GLG1: variants seen among roughly 807,000 people sequenced by gnomAD.
GLG1 encodes the protein golgi glycoprotein 1.
In GLG1, 38 loss-of-function variants were observed where a neutral mutation model predicts 160.5. That is an observed-to-expected ratio of 0.24 (90% confidence interval 0.18 to 0.31). GLG1 has a LOEUF of 0.31. Ranked by LOEUF, GLG1 falls within the 10% of genes least tolerant of loss-of-function variation. The probability of loss-of-function intolerance (pLI) is 1.00; values close to 1 mark genes in which losing one functional copy is unlikely to be tolerated. For missense variants in GLG1, 1,373 were observed against 1,505.2 expected, an observed-to-expected ratio of 0.91 and a Z score of 1.45; for synonymous variants, 644 against 543.4, an observed-to-expected ratio of 1.19 and a Z score of -2.57.
chr16:74,477,497 G>C lies in GLG1; in HGVS notation c.1864C>G (p.Leu622Val). 1 of 1,612,966 alleles carries C rather than the reference G, an allele frequency of 6.2e-7. No individual in the cohort carries two copies. The highest frequency in any genetic ancestry group is 8.5e-7 in the Non-Finnish European group (1 of 1,178,946). Reference protein sequence around the residue: ...RECRAEVQRILHQRAMDVKLD... With the variant: ...RECRAEVQRIVHQRAMDVKLD... ...TTGACATCCATGGCACGCTGGTGTAGGATCCTTTGGACTTCAGCTCGGCAC... is the reference window on the plus strand; with the variant it reads ...TTGACATCCATGGCACGCTGGTGTACGATCCTTTGGACTTCAGCTCGGCAC... The change falls in exon 12 of 26, where the codon CTA becomes GTA. Residue 622 changes from leucine to valine, a missense_variant. By Grantham distance (32) the Leu-to-Val change is conservative. Around this residue, in one of 4 missense-constraint regions of GLG1, gnomAD observed 386 missense variants for 388.5 expected, o/e 0.99. Transcript: ENST00000422840.
Position 74,459,601 on chromosome 16 carries a change from T to G in GLG1, c.3144+81A>C, listed in dbSNP as rs560147198. ...GAGATTTTTGGTTTTATTACCAAGGTAGGCAGACTACAGCATTAAAAGGAA... is the reference window on the plus strand; with the variant it reads ...GAGATTTTTGGTTTTATTACCAAGGGAGGCAGACTACAGCATTAAAAGGAA... On this transcript the variant is annotated intron_variant, in intron 23 of 25. Transcript: ENST00000422840. 2.7e-3 allele frequency: 1,962 copies of G among 736,674 alleles called. 32 individuals are homozygous for G. Among genetic ancestry groups the G allele is most frequent in the South Asian group, 0.02 (1,225 of 59,838 alleles). 45.6% of individuals were successfully genotyped at this position (736,674 alleles called of 1,614,324 possible). A position where few individuals can be genotyped will look rare whatever the true frequency, so the allele number is the denominator to read the frequency against.
intron 1 of GLG1, among the ~76,000 whole-genome samples, chr16:74,542,750 GAA>G (rs2017922985): frequency 4.8e-5 from 1 of 20,948 alleles, no homozygotes. Flanking sequence ...AGGAAGGAAG[GAA>G]GGAAGGAAGG....
At chr16:74,530,444 T>C (rs2017497869) in intron 2 of GLG1, among the ~76,000 whole-genome samples, 2 of 152,196 alleles carry the variant, frequency 1.3e-5, no homozygotes, top group Admixed American at 1.3e-4. Context: ...TTGCAGTTAC[T>C]CAACTTTGCC....
At chr16:74,587,155 G>A (rs1958073111) in intron 1 of GLG1, among the ~76,000 whole-genome samples, 2 of 152,226 alleles carry the variant, frequency 1.3e-5, no homozygotes, top group South Asian at 4.1e-4. Context: ...CACAATATAT[G>A]ACGTAACCTT....
At chr16:74,561,220 C>T (rs950784144) in intron 1 of GLG1, among the ~76,000 whole-genome samples, 2 of 152,204 alleles carry the variant, frequency 1.3e-5, no homozygotes, top group African/African-American at 2.4e-5. Flanking sequence ...AGGCTGAGGT[C>T]CCTGCCCCCA....
At chr16:74,578,291 T>G (rs1012692986) in intron 1 of GLG1, among the ~76,000 whole-genome samples, 2 of 152,212 alleles carry the variant, frequency 1.3e-5, no homozygotes, top group Non-Finnish European at 2.9e-5. Flanking sequence ...AGCCAACTAA[T>G]GCCATCTCCT....
At chr16:74,529,798 G>C (rs2017467454) in intron 2 of GLG1, among the ~76,000 whole-genome samples, 1 of 140,540 alleles carries the variant, frequency 7.1e-6, no homozygotes, top group South Asian at 2.3e-4. Flanking sequence ...CTATTCCTTG[G>C]CTCTTTGAGA....
At chr16:74,485,695 G>A in intron 9 of GLG1, 101 bp downstream of exon 9, 2 of 1,068,114 alleles carry the variant, frequency 1.9e-6, no homozygotes, top group Non-Finnish European at 2.7e-6. Context: ...CAAAATTTCA[G>A]TTAAGATGTC....
In GLG1 at chr16:74,463,415, T is replaced by C. The variant is rs2014878768; in HGVS notation, c.2732A>G (p.Glu911Gly). ...LQCLKQNKNS[E>G]LMDPKCKQMI... ...CTGTTTGCATTTGGGATCCATCAAT[T>C]CACTGTTTTTATTTTGCTTCAAGCA... Residue 911 changes from glutamate (E) to glycine (G), a missense_variant, in exon 20 of 26, where the codon GAA becomes GGA. Transcript: ENST00000422840. 1 of 1,613,708 alleles carries C rather than the reference T, an allele frequency of 6.2e-7. No individual in the cohort carries two copies.
intron 1 of GLG1, among the ~76,000 whole-genome samples, chr16:74,568,786 A>G (rs1432505716): frequency 6.6e-6 from 1 of 152,264 alleles, no homozygotes; most frequent in East Asian, 1.9e-4. Flanking sequence ...CATGCAAAGT[A>G]ACAGAAAAGC....
intron 1 of GLG1, among the ~76,000 whole-genome samples, chr16:74,565,369 A>C (rs1199847242): frequency 2.6e-5 from 4 of 152,180 alleles, no homozygotes; most frequent in Non-Finnish European, 5.9e-5. Flanking sequence ...AGGTTGACCA[A>C]AGAGGGGAAT....
chr16:74,475,717 CTTACTAT>C (rs1013926020), intron 12 of GLG1, among the ~76,000 whole-genome samples: 1 of 152,158 alleles, frequency 6.6e-6, no homozygotes, highest in African/African-American at 2.4e-5. Flanking sequence ...TCAAGTTTAA[CTTACTAT>C]TCTGCAAGAA....
At chr16:74,496,748 A>ACACACC in intron 4 of GLG1, 104 bp from the exon 5 acceptor site, 1 of 740,836 alleles carries the variant, frequency 1.3e-6, no homozygotes, top group Non-Finnish European at 2.4e-6. Context: ...ACACACACAC[A>ACACACC]AAGTAATAAA....
At chr16:74,456,831 G>A in intron 24 of GLG1, 76 bp from the exon 25 acceptor site, 1 of 894,834 alleles carries the variant, frequency 1.1e-6, no homozygotes, top group Non-Finnish European at 1.9e-6. Flanking sequence ...ATGAGGAAGA[G>A]GGTGCACAAC....
intron 6 of GLG1, 56 bp from the exon 7 acceptor site, chr16:74,493,196 C>T (rs1353450021): frequency 5.0e-6 from 6 of 1,198,670 alleles, no homozygotes; most frequent in South Asian, 1.4e-5. Flanking sequence ...TTACTGTTGA[C>T]GTGTACCACT....
intron 1 of GLG1, among the ~76,000 whole-genome samples, chr16:74,569,429 A>G (rs2018757575): frequency 6.6e-6 from 1 of 152,224 alleles, no homozygotes; most frequent in Admixed American, 6.5e-5. Context: ...TGAACTGAAC[A>G]ATGCCAGCTG....
At chr16:74,504,212 A>T (rs2016516310) in intron 3 of GLG1, among the ~76,000 whole-genome samples, 1 of 152,174 alleles carries the variant, frequency 6.6e-6, no homozygotes, top group Non-Finnish European at 1.5e-5. Flanking sequence ...TACACAGAAA[A>T]CTATTATTGT....
At position 74,456,735 on chromosome 16, in the gene GLG1, C is replaced by A; in HGVS notation, c.3286G>T (p.Ala1096Ser). Residue 1096 changes from alanine to serine, a missense_variant, in exon 25 of 26, where the codon GCA (alanine) becomes TCA (serine). Transcript: ENST00000422840. ...RGRQMSCLME[A>S]LEDKRVRLQP... Reference sequence around the variant, plus strand: ...AACCTCACCCGCTTATCCTCCAGTGCTTCCATGAGACAGGACATTTCTGTG... The same window carrying A: ...AACCTCACCCGCTTATCCTCCAGTGATTCCATGAGACAGGACATTTCTGTG... 1 of 1,608,262 alleles carries A rather than the reference C, an allele frequency of 6.2e-7. No homozygotes were observed. The highest frequency in any genetic ancestry group is 1.1e-5 in the South Asian group (1 of 90,882).
chr16:74,594,529 G>A (rs778905300), intron 1 of GLG1, among the ~76,000 whole-genome samples: 25 of 152,102 alleles, frequency 1.6e-4, no homozygotes, highest in Admixed American at 3.9e-4. Context: ...GATACAAAGG[G>A]TAGTACTGGC....
Sources: gnomAD v4.1 joint callset for allele counts (sites outside exome capture counted in the v4.1 genomes callset) on GRCh38, gnomAD v4.1.1 for gene constraint, gnomAD v4.1.1 regional missense constraint, MANE v1.5 for transcripts, NCBI Gene and HGNC (gene_info 2026-07-23, HGNC 2026-07-21) for gene names.